The following PYGO2 variants were observed in gnomAD, a reference collection of about 807,000 sequenced individuals.
PYGO2 encodes the protein pygopus homolog 2.
PYGO2 carries 9 observed loss-of-function variants against 26.7 expected under a neutral mutation model. The ratio of observed to expected loss-of-function variants is 0.34; its 90% confidence interval spans 0.20 to 0.59. The LOEUF is 0.59. Among genes scored for constraint, PYGO2 ranks in the 20% least tolerant of loss-of-function variants. The pLI is 0.84. For synonymous variants in PYGO2, 236 were observed against 219.0 expected (o/e 1.08, Z -0.68); for missense variants, 538 against 561.5 (o/e 0.96, Z 0.42).
At chr1:154,961,403 C>T (rs1655358192) in intron 1 of PYGO2, 71 bp downstream of exon 1, 2 of 1,018,262 alleles carry the variant, frequency 2.0e-6, no homozygotes, top group Non-Finnish European at 2.8e-6. Context: ...CACCCCCCGC[C>T]CACCATCCCT....
chr1:154,961,713 C>G lies in PYGO2; in HGVS notation c.-137G>C, dbSNP rs1192994276. On this transcript the variant is annotated 5_prime_UTR_variant, in exon 1 of 3. Coordinates refer to ENST00000368457, the MANE Select transcript of PYGO2 (RefSeq NM_138300.4). Reference sequence around the variant, plus strand: ...CACAAAGTGCGACGACAGGGAAGCGCCGAGCCGCCGCGCAAACTGCGCGCT... The same window carrying G: ...CACAAAGTGCGACGACAGGGAAGCGGCGAGCCGCCGCGCAAACTGCGCGCT... 2 of 435,724 alleles carry G rather than the reference C, an allele frequency of 4.6e-6. No individual in the cohort carries two copies. The highest frequency in any genetic ancestry group is 8.2e-6 in the Non-Finnish European group (2 of 245,096). The allele number at this position is 435,724 out of a possible 1,614,324, so 27.0% of individuals were successfully genotyped here.
At position 154,959,203 on chromosome 1, in the gene PYGO2, G is replaced by A. The variant is rs1296999688; in HGVS notation, c.797C>T (p.Pro266Leu). ...CTCCTGGGGAAAAGCAGTAGAAGCA[G>A]GTGGATTCAAGGGCTTCCCCCCATC... is the stretch of plus-strand genomic sequence containing the variant. The part of the protein sequence containing the change: ...GEDGGKPLNP[P>L]ASTAFPQEPH... The change falls in exon 3 of 3, where the codon CCT (proline) becomes CTT (leucine). Residue 266 changes from proline to leucine, a missense_variant. Around this residue, in one of 4 missense-constraint regions of PYGO2, gnomAD observed 381 missense variants for 336.6 expected, o/e 1.13. Transcript: ENST00000368457. This position sits in a 1 kb window ranked among gnomAD's most constrained non-coding sequence, Gnocchi z 4.7. The A allele has an allele frequency of 6.3e-7, 1 of 1,578,350 alleles. No homozygotes were observed. The highest frequency in any genetic ancestry group is 1.8e-5 in the Admixed American group (1 of 54,494).
Position 154,961,229 on chromosome 1 carries a change from G to A in PYGO2, c.104-203C>T, listed in dbSNP as rs75577665. Among the ~76,000 whole-genome samples, 76 of 152,304 alleles carry A rather than the reference G, an allele frequency of 5.0e-4. 1 individual carries two copies. In the East Asian group the frequency reaches 0.013, roughly 25 times the overall value. On this transcript the variant is annotated intron_variant, in intron 1 of 2. Coordinates refer to ENST00000368457, the MANE Select transcript of PYGO2 (RefSeq NM_138300.4). ...CAGCTACGTCTTCCTTTAAATGAAA[G>A]ATATCCCATCTTTCGATATCCTCAA...
Position 154,959,382 on chromosome 1 carries a change from C to T in PYGO2, c.618G>A (p.Leu206=). Residue 206 remains leucine (L), a synonymous_variant, in exon 3 of 3, where the codon CTG becomes CTA. Coordinates refer to ENST00000368457, the MANE Select transcript of PYGO2 (RefSeq NM_138300.4). This position sits in a 1 kb window ranked among gnomAD's most constrained non-coding sequence, Gnocchi z 4.7. ...PTMGQPPRAE[L]GPPSLSQRFA... ...ATCGTTGGGACAGAGAAGGTGGGCC[C>T]AGCTCTGCTCTGGGAGGCTGTCCCA... The T allele has an allele frequency of 6.2e-7, 1 of 1,606,610 alleles. No individual in the cohort carries two copies. Among genetic ancestry groups the T allele is most frequent in the Non-Finnish European group, 8.5e-7 (1 of 1,176,868 alleles).
chr1:154,959,329 G>A lies in PYGO2; in HGVS notation c.671C>T (p.Pro224Leu). The A allele has an allele frequency of 6.2e-7, 1 of 1,607,528 alleles. No individual in the cohort carries two copies. Among genetic ancestry groups the A allele is most frequent in the Non-Finnish European group, 8.5e-7 (1 of 1,177,136 alleles). Residue 224 changes from proline to leucine, a missense_variant, in exon 3 of 3, where the codon CCT (proline) becomes CTT (leucine). By Grantham distance (98) the Pro-to-Leu change is moderately conservative. Around this residue, in one of 4 missense-constraint regions of PYGO2, gnomAD observed 381 missense variants for 336.6 expected, o/e 1.13. Coordinates refer to ENST00000368457, the MANE Select transcript of PYGO2 (RefSeq NM_138300.4). This position sits in a 1 kb window ranked among gnomAD's most constrained non-coding sequence, Gnocchi z 4.7. The stretch of plus-strand genomic sequence containing the variant: ...CTGACCAGGTCTCTGGAGAGGAGAA[G>A]GGCCAAAAGGAGCCCCTGGCTGAGC... ...RFAQPGAPFG[P>L]SPLQRPGQGL...
chr1:154,961,474 C>A lies in PYGO2; in HGVS notation c.103G>T (p.Gly35Cys). 1 of 1,484,130 alleles carries A rather than the reference C, an allele frequency of 6.7e-7. No individual in the cohort carries two copies. Among genetic ancestry groups the A allele is most frequent in the Non-Finnish European group, 8.9e-7 (1 of 1,123,114 alleles). 91.9% of individuals were successfully genotyped at this position (1,484,130 alleles called of 1,614,324 possible). Residue 35 changes from glycine to cysteine, a missense_variant and splice_region_variant, in exon 1 of 3, where the codon GGT (glycine) becomes TGT (cysteine). By Grantham distance (159) the Gly-to-Cys change is radical (BLOSUM62 -3). Transcript: ENST00000368457. Reference sequence around the variant, plus strand: ...CCCCCGCCCCTCGCAGCGCGCTCACCGGCCTTGCCCTGCTTCCTCCCGGTG... The same window carrying A: ...CCCCCGCCCCTCGCAGCGCGCTCACAGGCCTTGCCCTGCTTCCTCCCGGTG... The part of the protein sequence containing the change: ...PSTGRKQGKA[G>C]LQMKSPEKKR...
In PYGO2 at chr1:154,959,309, C is replaced by G. The variant is rs768834235; in HGVS notation, c.691G>C (p.Gly231Arg). 2 of 1,594,984 alleles carry G rather than the reference C, an allele frequency of 1.3e-6. No homozygotes were observed. Among genetic ancestry groups the G allele is most frequent in the East Asian group, 2.2e-5 (1 of 44,828 alleles). Residue 231 changes from glycine to arginine, a missense_variant, in exon 3 of 3, where the codon GGT becomes CGT. Transcript: ENST00000368457. This position sits in a 1 kb window ranked among gnomAD's most constrained non-coding sequence, Gnocchi z 4.7. ...GGCGGCAGGCTGGGGAGCCCCTGAC[C>G]AGGTCTCTGGAGAGGAGAAGGGCCA... ...PFGPSPLQRPGQGLPSLPPNT... is the reference protein window; with the variant it reads ...PFGPSPLQRPRQGLPSLPPNT...
chr1:154,961,705 G>A lies in PYGO2; in HGVS notation c.-129C>T, dbSNP rs936777252. Reference sequence around the variant, plus strand: ...GCAGCAACCACAAAGTGCGACGACAGGGAAGCGCCGAGCCGCCGCGCAAAC... The same window carrying A: ...GCAGCAACCACAAAGTGCGACGACAAGGAAGCGCCGAGCCGCCGCGCAAAC... On this transcript the variant is annotated 5_prime_UTR_variant, in exon 1 of 3. Transcript: ENST00000368457. 6.9e-6 allele frequency: 3 copies of A among 436,828 alleles called. No individual in the cohort carries two copies. The highest frequency in any genetic ancestry group is 1.2e-5 in the Non-Finnish European group (3 of 245,680). 27.1% of individuals were successfully genotyped at this position (436,828 alleles called of 1,614,324 possible).
At chr1:154,961,331 G>A in intron 1 of PYGO2, 143 bp downstream of exon 1, 2 of 624,672 alleles carry the variant, frequency 3.2e-6, no homozygotes, top group South Asian at 4.1e-5. Context: ...CCCAACCCCT[G>A]GAGGATTACA....
chr1:154,959,294 T>C lies in PYGO2; in HGVS notation c.706A>G (p.Ser236Gly), dbSNP rs1483027228. Residue 236 changes from serine (S) to glycine (G), a missense_variant, in exon 3 of 3, where the codon AGC becomes GGC. By Grantham distance (56) the Ser-to-Gly change is moderately conservative (BLOSUM62 0). This residue lies in a region of PYGO2 where 381 missense variants were observed against 336.6 expected (regional missense o/e 1.13). Coordinates refer to ENST00000368457, the MANE Select transcript of PYGO2 (RefSeq NM_138300.4). This position sits in a 1 kb window ranked among gnomAD's most constrained non-coding sequence, Gnocchi z 4.7. The stretch of plus-strand genomic sequence containing the variant: ...AAGGGACTTGTGTTAGGCGGCAGGC[T>C]GGGGAGCCCCTGACCAGGTCTCTGG... ...PLQRPGQGLP[S>G]LPPNTSPFPG... 3 of 1,584,302 alleles carry C rather than the reference T, an allele frequency of 1.9e-6. No homozygotes were observed. The East Asian group carries it at 6.7e-5, about 35-fold the overall frequency.
Position 154,958,701 on chromosome 1 carries a change from C to T in PYGO2, c.*78G>A. The T allele has an allele frequency of 1.6e-6, 2 of 1,257,794 alleles. No individual in the cohort carries two copies. The highest frequency in any genetic ancestry group is 2.2e-6 in the Non-Finnish European group (2 of 894,328). 77.9% of individuals were successfully genotyped at this position (1,257,794 alleles called of 1,614,324 possible). A position where few individuals can be genotyped will look rare whatever the true frequency, so the allele number is the denominator to read the frequency against. Reference sequence around the variant, plus strand: ...ATGGAAAGCCAGTGGAAACAAGGACCAAGAGCCAAACATCAAAAAAATCAC... The same window carrying T: ...ATGGAAAGCCAGTGGAAACAAGGACTAAGAGCCAAACATCAAAAAAATCAC... On this transcript the variant is annotated 3_prime_UTR_variant, in exon 3 of 3. Transcript: ENST00000368457.
chr1:154,961,515 G>A lies in PYGO2; in HGVS notation c.62C>T (p.Pro21Leu), dbSNP rs573978044. ...KLEGGGGPAP[P>L]PAPPSTGRKQ... is the part of the protein sequence containing the mutation. ...CCTCCCGGTGCTGGGCGGCGCAGGGGGCGGTGCGGGGCCGCCACCTCCCTC... is the reference window on the plus strand; with the variant it reads ...CCTCCCGGTGCTGGGCGGCGCAGGGAGCGGTGCGGGGCCGCCACCTCCCTC... The change falls in exon 1 of 3, where the codon CCC becomes CTC. Residue 21 changes from proline (P) to leucine (L), a missense_variant. Physicochemically the swap from Pro to Leu is moderately conservative, Grantham distance 98. Around this residue, in one of 4 missense-constraint regions of PYGO2, gnomAD observed 79 missense variants for 92.7 expected, o/e 0.85. Coordinates refer to ENST00000368457, the MANE Select transcript of PYGO2 (RefSeq NM_138300.4). 8.4e-6 allele frequency: 12 copies of A among 1,432,688 alleles called. No homozygotes were observed. In the African/African-American group the frequency reaches 1.7e-4, roughly 20 times the overall value. The allele number at this position is 1,432,688 out of a possible 1,614,324, so 88.7% of individuals were successfully genotyped here. A position where few individuals can be genotyped will look rare whatever the true frequency, so the allele number is the denominator to read the frequency against.
In PYGO2 at chr1:154,959,601, T is replaced by G; in HGVS notation, c.399A>C (p.Pro133=). The change falls in exon 3 of 3, where the codon CCA becomes CCC. Residue 133 remains proline (P), a synonymous_variant. Coordinates refer to ENST00000368457, the MANE Select transcript of PYGO2 (RefSeq NM_138300.4). The surrounding 1 kb of genome is among the most constrained non-coding windows in gnomAD (Gnocchi z 4.7). Reference sequence around the variant, plus strand: ...CCATAGGATTGGGAGGGAAGGGGGGTGGCTGTCGACGGAGTGGCTGGGGGC... The same window carrying G: ...CCATAGGATTGGGAGGGAAGGGGGGGGGCTGTCGACGGAGTGGCTGGGGGC... ...GGGPQPLRRQ[P]PPFPPNPMGP... The G allele has an allele frequency of 7.0e-7, 1 of 1,420,654 alleles. No individual in the cohort carries two copies. The highest frequency in any genetic ancestry group is 9.3e-7 in the Non-Finnish European group (1 of 1,076,654). The allele number at this position is 1,420,654 out of a possible 1,614,324, so 88.0% of individuals were successfully genotyped here. A position where few individuals can be genotyped will look rare whatever the true frequency, so the allele number is the denominator to read the frequency against.
chr1:154,961,511 A>AG lies in PYGO2; in HGVS notation c.65dup (p.Ala23CysfsTer57). The AG allele has an allele frequency of 2.8e-6, 4 of 1,451,236 alleles. No individual in the cohort carries two copies. Among genetic ancestry groups the AG allele is most frequent in the Admixed American group, 2.7e-5 (1 of 36,792 alleles). The allele number at this position is 1,451,236 out of a possible 1,614,324, so 89.9% of individuals were successfully genotyped here. ...GCTTCCTCCCGGTGCTGGGCGGCGC[A>AG]GGGGGCGGTGCGGGGCCGCCACCTC... On this transcript the variant is annotated frameshift_variant, in exon 1 of 3. Coordinates refer to ENST00000368457, the MANE Select transcript of PYGO2 (RefSeq NM_138300.4). LOFTEE classifies it high-confidence loss of function.
At position 154,959,657 on chromosome 1, in the gene PYGO2, G is replaced by A. The variant is rs139329680; in HGVS notation, c.343C>T (p.Pro115Ser). The A allele has an allele frequency of 8.4e-6, 12 of 1,434,890 alleles. No homozygotes were observed. In the African/African-American group the frequency reaches 1.5e-4, roughly 17 times the overall value. The allele number at this position is 1,434,890 out of a possible 1,614,324, so 88.9% of individuals were successfully genotyped here. Reference protein sequence around the residue: ...RVQGGMAGQVPPGYSTGGGGG... With the variant: ...RVQGGMAGQVSPGYSTGGGGG... Reference sequence around the variant, plus strand: ...CCACCTCCAGTGCTGTAGCCTGGGGGTACCTGGCCCGCCATGCCCCCCTGC... The same window carrying A: ...CCACCTCCAGTGCTGTAGCCTGGGGATACCTGGCCCGCCATGCCCCCCTGC... Residue 115 changes from proline (P) to serine (S), a missense_variant, in exon 3 of 3, where the codon CCC becomes TCC. Around this residue, in one of 4 missense-constraint regions of PYGO2, gnomAD observed 381 missense variants for 336.6 expected, o/e 1.13. Coordinates refer to ENST00000368457, the MANE Select transcript of PYGO2 (RefSeq NM_138300.4). This position sits in a 1 kb window ranked among gnomAD's most constrained non-coding sequence, Gnocchi z 4.7.
At chr1:154,960,264 CA>C (rs893558612) in intron 2 of PYGO2, among the ~76,000 whole-genome samples, 1,444 of 63,094 alleles carry the variant, frequency 0.023, 20 homozygotes, top group African/African-American at 0.072. Context: ...GACTCCGTCT[CA>C]AAAAAAAAAA....
Position 154,959,284 on chromosome 1 carries a change from G to A in PYGO2, c.716C>T (p.Pro239Leu). The stretch of plus-strand genomic sequence containing the variant: ...CGGACCAGGAAAGGGACTTGTGTTA[G>A]GCGGCAGGCTGGGGAGCCCCTGACC... ...RPGQGLPSLPPNTSPFPGPDP... is the reference protein window; with the variant it reads ...RPGQGLPSLPLNTSPFPGPDP... The change falls in exon 3 of 3, where the codon CCT (proline) becomes CTT (leucine). Residue 239 changes from proline to leucine, a missense_variant. This residue lies in a region of PYGO2 where 381 missense variants were observed against 336.6 expected (regional missense o/e 1.13). Transcript: ENST00000368457. The surrounding 1 kb of genome is among the most constrained non-coding windows in gnomAD (Gnocchi z 4.7). The A allele has an allele frequency of 1.3e-6, 2 of 1,580,076 alleles. No individual in the cohort carries two copies. Among genetic ancestry groups the A allele is most frequent in the South Asian group, 1.2e-5 (1 of 85,434 alleles).
At position 154,961,550 on chromosome 1, in the gene PYGO2, C is replaced by A; in HGVS notation, c.27G>T (p.Pro9=). The A allele has an allele frequency of 7.2e-7, 1 of 1,387,730 alleles. No homozygotes were observed. The highest frequency in any genetic ancestry group is 1.6e-5 in the South Asian group (1 of 63,056). 86.0% of individuals were successfully genotyped at this position (1,387,730 alleles called of 1,614,324 possible). A position where few individuals can be genotyped will look rare whatever the true frequency, so the allele number is the denominator to read the frequency against. MAASAPPP[P]DKLEGGGGPA... is the part of the protein sequence containing the mutation. ...GGCCGCCACCTCCCTCCAGCTTGTC[C>A]GGTGGGGGCGGCGCCGAGGCGGCCA... Residue 9 remains proline (P), a synonymous_variant, in exon 1 of 3, where the codon CCG becomes CCT. Coordinates refer to ENST00000368457, the MANE Select transcript of PYGO2 (RefSeq NM_138300.4).
Position 154,959,619 on chromosome 1 carries a change from C to T in PYGO2, c.381G>A (p.Gln127=). Residue 127 remains glutamine (Q), a synonymous_variant, in exon 3 of 3, where the codon CAG becomes CAA. Transcript: ENST00000368457. This position sits in a 1 kb window ranked among gnomAD's most constrained non-coding sequence, Gnocchi z 4.7. Reference sequence around the variant, plus strand: ...AGGGGGGTGGCTGTCGACGGAGTGGCTGGGGGCCCCCTCCACCTCCAGTGC... The same window carrying T: ...AGGGGGGTGGCTGTCGACGGAGTGGTTGGGGGCCCCCTCCACCTCCAGTGC... ...GYSTGGGGGP[Q]PLRRQPPPFP... The T allele has an allele frequency of 6.9e-7, 1 of 1,446,184 alleles. No homozygotes were observed. The allele number at this position is 1,446,184 out of a possible 1,614,324, so 89.6% of individuals were successfully genotyped here. A position where few individuals can be genotyped will look rare whatever the true frequency, so the allele number is the denominator to read the frequency against.
Sources: allele counts gnomAD v4.1 joint callset (sites outside exome capture counted in the v4.1 genomes callset), GRCh38; gene constraint gnomAD v4.1.1; regional missense constraint gnomAD v4.1.1; non-coding constraint Gnocchi (gnomAD v3.1); transcripts MANE v1.5; gene names NCBI Gene and HGNC (gene_info 2026-07-23, HGNC 2026-07-21).